The following COP1 variants were observed in gnomAD, a reference collection of about 807,000 sequenced individuals.
COP1 encodes the protein COP1 E3 ubiquitin ligase, also known as E3 ubiquitin-protein ligase COP1.
COP1 carries 24 observed loss-of-function variants against 101.3 expected under a neutral mutation model. The ratio of observed to expected loss-of-function variants is 0.24; its 90% confidence interval spans 0.17 to 0.33. The LOEUF is 0.33. Ranked by LOEUF, COP1 falls within the 10% of genes least tolerant of loss-of-function variation. The pLI is 1.00. For synonymous variants in COP1, 347 were observed against 341.9 expected (o/e 1.01, Z -0.17); for missense variants, 663 against 906.2 (o/e 0.73, Z 3.45).
In COP1 at chr1:176,116,957, T is replaced by C. The variant is rs534147561; in HGVS notation, c.969-276A>G. On this transcript the variant is annotated intron_variant, in intron 8 of 19. Transcript: ENST00000367669. The stretch of plus-strand genomic sequence containing the variant: ...AAGGCAGATGTCTATATAGATTTAC[T>C]TGTTTATATTTCATTTTCAGACAGG... Among the ~76,000 whole-genome samples, 6 of 152,350 alleles carry C rather than the reference T, an allele frequency of 3.9e-5. No homozygotes were observed. In the East Asian group the frequency reaches 1.2e-3, roughly 29 times the overall value.
chr1:176,043,100 A>G (rs1269424241), intron 14 of COP1, 86 bp downstream of exon 14: 5 of 792,990 alleles, frequency 6.3e-6, no homozygotes, highest in Admixed American at 2.0e-5. Context: ...GAGTTTGAGT[A>G]AATATTTGTA....
At chr1:176,033,680 A>G (rs1240282281) in intron 14 of COP1, among the ~76,000 whole-genome samples, 1 of 152,172 alleles carries the variant, frequency 6.6e-6, no homozygotes, top group Non-Finnish European at 1.5e-5. Flanking sequence ...CCACATAATG[A>G]TGGTTCTTTA....
chr1:176,188,120 A>C (rs1698701461), intron 1 of COP1, among the ~76,000 whole-genome samples: 1 of 151,994 alleles, frequency 6.6e-6, no homozygotes, highest in African/African-American at 2.4e-5. Context: ...TGAATTTCCC[A>C]GCCTCCACAA....
At chr1:176,082,456 A>G in intron 10 of COP1, among the ~76,000 whole-genome samples, 1 of 152,228 alleles carries the variant, frequency 6.6e-6, no homozygotes, top group Admixed American at 6.5e-5. Flanking sequence ...ATATTAGGTT[A>G]TCTTGAAAAT....
At chr1:175,974,567 T>C (rs1378448406) in intron 18 of COP1, among the ~76,000 whole-genome samples, 1 of 152,102 alleles carries the variant, frequency 6.6e-6, no homozygotes, top group African/African-American at 2.4e-5. Context: ...CAATGATTAA[T>C]ATGGTTAAAG....
chr1:176,094,571 C>T (rs548581327), intron 9 of COP1, among the ~76,000 whole-genome samples: 19 of 151,410 alleles, frequency 1.3e-4, no homozygotes, highest in Non-Finnish European at 2.2e-4. Context: ...TTTTACCTAG[C>T]TTGGTTCTAA....
chr1:176,096,448 A>G (rs1268984403), intron 9 of COP1, among the ~76,000 whole-genome samples: 2 of 152,186 alleles, frequency 1.3e-5, no homozygotes, highest in African/African-American at 4.8e-5. Flanking sequence ...GCAGTGTCCA[A>G]CGACCACACA....
chr1:175,955,300 T>C (rs182995775), intron 18 of COP1, among the ~76,000 whole-genome samples: 35 of 152,200 alleles, frequency 2.3e-4, no homozygotes, highest in Non-Finnish European at 4.3e-4. Context: ...CTTGAGAGCA[T>C]TCATCATCCC....
chr1:176,069,007 T>G (rs1205155945), intron 11 of COP1, among the ~76,000 whole-genome samples: 8 of 152,174 alleles, frequency 5.3e-5, no homozygotes. Context: ...GGCAACATGG[T>G]GAGATCCTGT....
At chr1:176,172,377 C>T (rs894313053) in intron 3 of COP1, among the ~76,000 whole-genome samples, 6 of 152,166 alleles carry the variant, frequency 3.9e-5, no homozygotes, top group East Asian at 3.9e-4. Flanking sequence ...AAAGTTATGA[C>T]GAAAAAATTT....
chr1:176,097,020 C>T (rs949874174), intron 9 of COP1, among the ~76,000 whole-genome samples: 1 of 152,148 alleles, frequency 6.6e-6, no homozygotes, highest in Non-Finnish European at 1.5e-5. Flanking sequence ...TTCCCCTCCA[C>T]GAAATGCCTT....
intron 8 of COP1, among the ~76,000 whole-genome samples, chr1:176,127,906 T>C (rs1258595890): frequency 6.6e-6 from 1 of 152,128 alleles, no homozygotes; most frequent in African/African-American, 2.4e-5. Flanking sequence ...TCAACACTTG[T>C]TTCATCTTTC....
intron 11 of COP1, among the ~76,000 whole-genome samples, chr1:176,069,946 C>T (rs776159350): frequency 7.9e-5 from 12 of 152,202 alleles, no homozygotes; most frequent in Admixed American, 1.3e-4. Flanking sequence ...GCTACCAAGT[C>T]TTCAAATGTT....
rs1469811130 is a variant in COP1 at position 175,949,551 on chromosome 1, G to A, written c.2134-2312C>T. Among the ~76,000 whole-genome samples, 3 of 152,248 alleles carry A rather than the reference G, an allele frequency of 2.0e-5. No homozygotes were observed. The East Asian group carries it at 5.8e-4, about 29-fold the overall frequency. On this transcript the variant is annotated intron_variant, in intron 18 of 19. Coordinates refer to ENST00000367669, the MANE Select transcript of COP1 (RefSeq NM_022457.7). The stretch of plus-strand genomic sequence containing the variant: ...GTATGGTATCAGAACTGCCACTGGT[G>A]ACCCACAAATAATTCTCCTGTAAAC...
At chr1:176,118,699 T>C (rs1220841898) in intron 8 of COP1, among the ~76,000 whole-genome samples, 2 of 152,240 alleles carry the variant, frequency 1.3e-5, no homozygotes, top group Admixed American at 1.3e-4. Flanking sequence ...AAGGCTGCAA[T>C]GAGCTATGCA....
At position 176,028,527 on chromosome 1, in the gene COP1, C is replaced by CAA. The variant is rs35574875; in HGVS notation, c.1613-841_1613-840dup. Among the ~76,000 whole-genome samples, 4 of 92,068 alleles carry CAA rather than the reference C, an allele frequency of 4.3e-5. No homozygotes were observed. In the East Asian group the frequency reaches 1.2e-3, roughly 27 times the overall value. 60.4% of individuals were successfully genotyped at this position (92,068 alleles called of 152,430 possible). A position where few individuals can be genotyped will look rare whatever the true frequency, so the allele number is the denominator to read the frequency against. On this transcript the variant is annotated intron_variant, in intron 14 of 19. Transcript: ENST00000367669. Reference sequence around the variant, plus strand: ...TTGCAGTGAGCTGAGATCATGCCACCAAAAAAAAAAAATGAAATGAAATGA... The same window carrying CAA: ...TTGCAGTGAGCTGAGATCATGCCACCAAAAAAAAAAAAAATGAAATGAAATGA...
intron 11 of COP1, among the ~76,000 whole-genome samples, chr1:176,072,647 T>C (rs538231664): frequency 6.6e-6 from 1 of 152,326 alleles, no homozygotes; most frequent in Non-Finnish European, 1.5e-5. Context: ...AGATGTCTTT[T>C]TAAGTATAAA....
rs764390743 is a variant in COP1 at position 176,149,047 on chromosome 1, G to T, written c.790C>A (p.Leu264Ile). 1.9e-6 allele frequency: 3 copies of T among 1,588,360 alleles called. No homozygotes were observed. The highest frequency in any genetic ancestry group is 1.2e-5 in the South Asian group (1 of 86,838). ...AESHAAQLQI[L>I]MEFLKVARRN... ...CTTGCAACCTTGAGGAATTCCATAA[G>T]AATCTGTAGTTGGGCTGCATGTGAT... The change falls in exon 6 of 20, where the codon CTT (leucine) becomes ATT (isoleucine). Residue 264 changes from leucine (L) to isoleucine (I), a missense_variant. Physicochemically the swap from Leu to Ile is conservative, Grantham distance 5. Transcript: ENST00000367669.
chr1:176,103,296 G>T (rs1025074086), intron 9 of COP1, among the ~76,000 whole-genome samples: 1 of 152,216 alleles, frequency 6.6e-6, no homozygotes, highest in Non-Finnish European at 1.5e-5. Flanking sequence ...CTGGTCAAAA[G>T]ATCACCAAGT....
Sources: allele counts gnomAD v4.1 joint callset (sites outside exome capture counted in the v4.1 genomes callset), GRCh38; gene constraint gnomAD v4.1.1; transcripts MANE v1.5; gene names NCBI Gene and HGNC (gene_info 2026-07-23, HGNC 2026-07-21).